PDE1C: variants seen among roughly 807,000 people sequenced by gnomAD.
The protein encoded by PDE1C is phosphodiesterase 1C, also known as dual specificity calcium/calmodulin-dependent 3',5'-cyclic nucleotide phosphodiesterase 1C.
A neutral mutation model predicts 93.1 loss-of-function variants in PDE1C; 62 were observed. The ratio of observed to expected loss-of-function variants is 0.67; its 90% CI spans 0.54 to 0.82. The LOEUF is 0.82. Ranked by LOEUF, PDE1C falls within the 40% of genes least tolerant of loss-of-function variation. The pLI, the probability that PDE1C is intolerant of heterozygous loss-of-function variation, is 0.00. For synonymous variants in PDE1C, 325 were observed against 310.1 expected, an observed-to-expected ratio of 1.05 and a Z score of -0.50; for missense variants, 742 against 884.6, an observed-to-expected ratio of 0.84 and a Z score of 2.04.
chr7:31,794,391 C>G (rs1282494905), intron 16 of PDE1C, among the ~76,000 whole-genome samples: 1 of 151,908 alleles, frequency 6.6e-6, no homozygotes, highest in Non-Finnish European at 1.5e-5. Context: ...TTTTGCTCCA[C>G]TGCATCTGTG....
rs1810486746 is a variant in PDE1C, at chr7:31,969,016, A to G, written c.128+82538T>C. Among the ~76,000 whole-genome samples the G allele has an allele frequency of 2.0e-5, 3 of 152,174 alleles. 1 individual carries two copies. The highest frequency in any genetic ancestry group is 1.3e-4 in the Admixed American group (2 of 15,282). ...TGAAGACTTAAATGATAGACCTAAAACCATAAAAACCTTAGAAGAAAACCT... is the reference window on the plus strand; with the variant it reads ...TGAAGACTTAAATGATAGACCTAAAGCCATAAAAACCTTAGAAGAAAACCT... On this transcript the variant is annotated intron_variant, in intron 2 of 17. Coordinates refer to ENST00000396191, the MANE Select transcript of PDE1C (RefSeq NM_001191057.4).
At chr7:31,770,981 A>G (rs1562765169) in intron 17 of PDE1C, among the ~76,000 whole-genome samples, 1 of 151,980 alleles carries the variant, frequency 6.6e-6, no homozygotes, top group Non-Finnish European at 1.5e-5. Flanking sequence ...TGCAATGACT[A>G]TATGTTTGCT....
chr7:31,762,474 G>A (rs1794895185), intron 17 of PDE1C, among the ~76,000 whole-genome samples: 1 of 151,970 alleles, frequency 6.6e-6, no homozygotes, highest in African/African-American at 2.4e-5. Context: ...TGAGTAGCTG[G>A]GATTACAGAA....
intron 2 of PDE1C, among the ~76,000 whole-genome samples, chr7:31,958,945 C>A (rs1005702858): frequency 6.6e-6 from 1 of 152,164 alleles, no homozygotes; most frequent in East Asian, 1.9e-4. Flanking sequence ...CAGCTTTCTA[C>A]TTTCTAGAGC....
chr7:32,148,065 A>G (rs898717123), intron 3 of PDE1C, among the ~76,000 whole-genome samples: 19 of 150,512 alleles, frequency 1.3e-4, no homozygotes, highest in Non-Finnish European at 5.9e-5. Context: ...ACATCATTCC[A>G]AGAAGCCTTG....
the PDE1C span, among the ~76,000 whole-genome samples, chr7:31,619,653 CAG>C: frequency 2.6e-5 from 4 of 152,090 alleles, no homozygotes; most frequent in African/African-American, 9.7e-5. Context: ...GGAACAGCTC[CAG>C]TCTACAGCCC....
intron 3 of PDE1C, among the ~76,000 whole-genome samples, chr7:32,095,928 G>A (rs1052827644): frequency 4.6e-5 from 7 of 152,028 alleles, no homozygotes; most frequent in African/African-American, 7.2e-5. Context: ...TCCCAACATC[G>A]ACCCCATGCT....
chr7:31,750,999 G>A (rs1038316197), downstream of PDE1C, among the ~76,000 whole-genome samples: 4 of 152,082 alleles, frequency 2.6e-5, no homozygotes, highest in African/African-American at 9.7e-5. Flanking sequence ...TTATTTACTG[G>A]GTGTATAGGG....
At chr7:31,899,624 T>G (rs1317273727) in intron 2 of PDE1C, among the ~76,000 whole-genome samples, 1 of 151,940 alleles carries the variant, frequency 6.6e-6, no homozygotes, top group Admixed American at 6.6e-5. Context: ...AAGGGAAGAA[T>G]AAGAGACAGG....
intron 2 of PDE1C, among the ~76,000 whole-genome samples, chr7:32,040,026 A>C (rs1487418679): frequency 6.6e-6 from 1 of 152,244 alleles, no homozygotes; most frequent in Non-Finnish European, 1.5e-5. Flanking sequence ...TCAAAGCATG[A>C]TTAAAAGTAC....
chr7:32,273,889 G>C (rs918371547), intron 1 of PDE1C, among the ~76,000 whole-genome samples: 1 of 152,180 alleles, frequency 6.6e-6, no homozygotes, highest in African/African-American at 2.4e-5. Flanking sequence ...CCCCTACCTT[G>C]TTGGGTTCCT....
At chr7:32,341,426 C>T (rs1412012783) in intron 1 of PDE1C, among the ~76,000 whole-genome samples, 1 of 151,456 alleles carries the variant, frequency 6.6e-6, no homozygotes, top group East Asian at 2.0e-4. Flanking sequence ...CCGCCCACCT[C>T]GGCCTCCCAA....
chr7:31,768,560 C>T (rs776791569), intron 17 of PDE1C, among the ~76,000 whole-genome samples: 19 of 152,242 alleles, frequency 1.2e-4, no homozygotes, highest in Non-Finnish European at 2.5e-4. Context: ...ACAAAAATTA[C>T]GTAGTTCTGA....
chr7:32,153,839 G>A (rs6972529), intron 3 of PDE1C, among the ~76,000 whole-genome samples: 2,515 of 152,228 alleles, frequency 0.017, 79 homozygotes, highest in African/African-American at 0.056. Flanking sequence ...TTGTTTGGTC[G>A]CCTTATTTTA....
At chr7:32,034,477 G>A (rs908576707) in intron 2 of PDE1C, among the ~76,000 whole-genome samples, 9 of 152,142 alleles carry the variant, frequency 5.9e-5, no homozygotes, top group African/African-American at 1.7e-4. Flanking sequence ...GAGGCTGAGC[G>A]ATTTGGAGAT....
At chr7:31,770,534 C>T (rs145783838) in intron 17 of PDE1C, among the ~76,000 whole-genome samples, 4,591 of 152,102 alleles carry the variant, frequency 0.03, 221 homozygotes, top group African/African-American at 0.1. Flanking sequence ...TTTTCTGAGA[C>T]GGAGTCTCGC....
chr7:31,698,331 T>C, the PDE1C span, among the ~76,000 whole-genome samples: 1 of 152,230 alleles, frequency 6.6e-6, no homozygotes, highest in African/African-American at 2.4e-5. Context: ...TCTGCACTTC[T>C]GTCCTTGTTC....
intron 3 of PDE1C, chr7:32,078,027 C>T (rs1051774627): frequency 9.1e-6 from 9 of 985,294 alleles, no homozygotes; most frequent in Non-Finnish European, 1.1e-5. Flanking sequence ...CACTGCCAAC[C>T]CAGTATAATT....
chr7:31,814,972 T>C (rs1260356116), intron 15 of PDE1C, among the ~76,000 whole-genome samples: 1 of 151,914 alleles, frequency 6.6e-6, no homozygotes, highest in Non-Finnish European at 1.5e-5. Context: ...CAGAACTTCC[T>C]GCCTGCCCCT....
Sources: gnomAD v4.1 joint callset for allele counts (sites outside exome capture counted in the v4.1 genomes callset) on GRCh38, gnomAD v4.1.1 for gene constraint, MANE v1.5 for transcripts, NCBI Gene and HGNC (gene_info 2026-07-23, HGNC 2026-07-21) for gene names.